Variants in ECPAS observed in about 807,000 individuals in gnomAD.
ECPAS encodes proteasome adapter and scaffold protein ECM29.
Under a neutral mutation model 255.1 loss-of-function variants are expected in ECPAS, and 70 were observed. The observed-to-expected ratio is 0.27, with a 90% CI of 0.23 to 0.33. The LOEUF (loss-of-function observed/expected upper bound fraction) is 0.33, where lower values mean the gene tolerates loss of function less well. Among genes scored for constraint, ECPAS ranks in the 10% least tolerant of loss-of-function variants. The probability of loss-of-function intolerance (pLI) is 1.00; values close to 1 mark genes in which losing one functional copy is unlikely to be tolerated. For synonymous variants in ECPAS, 784 were observed against 775.0 expected (o/e 1.01, Z -0.19); for missense variants, 1,817 against 2,206.4 (o/e 0.82, Z 3.54).
chr9:111,463,155 G>A lies in ECPAS; in HGVS notation c.22+9742C>T, dbSNP rs539023160. On this transcript the variant is annotated intron_variant, in intron 2 of 49. Transcript: ENST00000684092. ...TCACTTAGACCATGCCTCAGTCATA[G>A]ATCAGGAGGAGGGCTCTGCTCACTA... Among the ~76,000 whole-genome samples the A allele has an allele frequency of 3.9e-4, 60 of 152,294 alleles. 2 individuals carry two copies. In the South Asian group the frequency reaches 0.012, roughly 30 times the overall value.
chr9:111,394,508 C>T (rs985589629), intron 25 of ECPAS, among the ~76,000 whole-genome samples: 8 of 152,064 alleles, frequency 5.3e-5, no homozygotes, highest in African/African-American at 1.9e-4. Context: ...CAAAGGTACT[C>T]GAGTAACTTT....
At chr9:111,387,048 G>GT (rs1240025739) in intron 31 of ECPAS, among the ~76,000 whole-genome samples, 2 of 152,250 alleles carry the variant, frequency 1.3e-5, no homozygotes, top group East Asian at 3.8e-4. Flanking sequence ...GAAGGACAGA[G>GT]TCTCACTCAT....
chr9:111,466,576 T>C (rs1288060962), intron 2 of ECPAS, among the ~76,000 whole-genome samples: 2 of 151,674 alleles, frequency 1.3e-5, no homozygotes, highest in South Asian at 2.1e-4. Context: ...GACATTCTTG[T>C]AGGAGGAAAA....
In ECPAS at chr9:111,410,990, T is replaced by A; in HGVS notation, c.2367A>T (p.Thr789=). 1 of 1,613,792 alleles carries A rather than the reference T, an allele frequency of 6.2e-7. No homozygotes were observed. The highest frequency in any genetic ancestry group is 2.2e-5 in the East Asian group (1 of 44,880). ...AAAGACATTAATTACCTATTGTTTC[T>A]GTAGCACTCTGAATGAGTTCCTCTT... ...PDQEELIQSA[T]ETIGSFLDST... The change falls in exon 22 of 50, where the codon ACA becomes ACT. Residue 789 remains threonine, a synonymous_variant. Coordinates refer to ENST00000684092, the MANE Select transcript of ECPAS (RefSeq NM_001364929.1).
chr9:111,449,858 T>A (rs1282189263), intron 3 of ECPAS, among the ~76,000 whole-genome samples: 1 of 152,126 alleles, frequency 6.6e-6, no homozygotes, highest in African/African-American at 2.4e-5. Flanking sequence ...CACTGTGGCC[T>A]TCTCCAATTT....
At chr9:111,444,305 G>T in intron 4 of ECPAS, 73 bp downstream of exon 4, 1 of 975,662 alleles carries the variant, frequency 1.0e-6, no homozygotes, top group Non-Finnish European at 1.6e-6. Context: ...TTGCCAATAT[G>T]TTGATGACAT....
At chr9:111,450,378 C>T (rs2098258800) in intron 3 of ECPAS, among the ~76,000 whole-genome samples, 1 of 152,146 alleles carries the variant, frequency 6.6e-6, no homozygotes, top group African/African-American at 2.4e-5. Flanking sequence ...GACAAGAATG[C>T]CCATTCCCTC....
intron 17 of ECPAS, among the ~76,000 whole-genome samples, chr9:111,417,676 G>A (rs1394485575): frequency 1.3e-5 from 2 of 151,958 alleles, no homozygotes; most frequent in African/African-American, 4.8e-5. Context: ...AACCCAGGTA[G>A]TGGAGTTTGC....
chr9:111,388,820 C>A (rs1810878250), intron 31 of ECPAS, among the ~76,000 whole-genome samples: 1 of 151,936 alleles, frequency 6.6e-6, no homozygotes. Flanking sequence ...TAAAGTATGA[C>A]ACCAAGTTTT....
intron 25 of ECPAS, 36 bp downstream of exon 25, chr9:111,396,994 T>C: frequency 6.2e-7 from 1 of 1,613,090 alleles, no homozygotes; most frequent in Non-Finnish European, 8.5e-7. Flanking sequence ...AAAGGTTACT[T>C]GATCATTATA....
chr9:111,482,380 C>CA (rs1409453339), intron 1 of ECPAS, among the ~76,000 whole-genome samples: 3 of 152,220 alleles, frequency 2.0e-5, no homozygotes, highest in Non-Finnish European at 2.9e-5. Flanking sequence ...CTCTTTAAAA[C>CA]AAGGATAATT....
chr9:111,368,568 T>C (rs541856633), intron 46 of ECPAS, among the ~76,000 whole-genome samples: 50 of 152,294 alleles, frequency 3.3e-4, no homozygotes, highest in Non-Finnish European at 6.9e-4. Context: ...TATTATTAAA[T>C]AGAAGACAGA....
rs1160872801 is a variant in ECPAS at position 111,417,859 on chromosome 9, ATTACC to A, written c.1683+19_1683+23del. On this transcript the variant is annotated intron_variant, in intron 17 of 49. Coordinates refer to ENST00000684092, the MANE Select transcript of ECPAS (RefSeq NM_001364929.1). ...TCATCATCCATTATGATTTAGACTA[ATTACC>A]TTAAGTTGCATGCCATACCTTTTCT... is the stretch of plus-strand genomic sequence containing the variant. 2 of 1,532,472 alleles carry A rather than the reference ATTACC, an allele frequency of 1.3e-6. No individual in the cohort carries two copies. The highest frequency in any genetic ancestry group is 2.8e-5 in the African/African-American group (2 of 71,932). The allele number at this position is 1,532,472 out of a possible 1,614,324, so 94.9% of individuals were successfully genotyped here. A position where few individuals can be genotyped will look rare whatever the true frequency, so the allele number is the denominator to read the frequency against.
intron 1 of ECPAS, among the ~76,000 whole-genome samples, chr9:111,480,470 G>C (rs931969310): frequency 2.0e-5 from 3 of 151,674 alleles, no homozygotes; most frequent in African/African-American, 7.3e-5. Flanking sequence ...GCTAAATTTT[G>C]TATTTTTAGT....
intron 29 of ECPAS, among the ~76,000 whole-genome samples, chr9:111,391,329 G>C (rs772460634): frequency 1.3e-5 from 2 of 152,146 alleles, no homozygotes; most frequent in African/African-American, 4.8e-5. Context: ...TGTAATCCCA[G>C]CACTTTGGGA....
rs181031183 is a variant in ECPAS at position 111,463,838 on chromosome 9, G to T, written c.22+9059C>A. ...AGAACTCTGGTCCACTACTGATGGG[G>T]TACATATTGATACAATCTCTGAAGA... is the stretch of plus-strand genomic sequence containing the variant. On this transcript the variant is annotated intron_variant, in intron 2 of 49. Transcript: ENST00000684092. 1.6e-3 allele frequency among the ~76,000 whole-genome samples: 248 copies of T among 152,252 alleles called. 1 individual carries two copies. The highest frequency in any genetic ancestry group is 3.7e-3 in the Admixed American group (56 of 15,302).
intron 2 of ECPAS, among the ~76,000 whole-genome samples, chr9:111,464,585 C>T (rs564928451): frequency 6.6e-6 from 1 of 152,176 alleles, no homozygotes; most frequent in African/African-American, 2.4e-5. Context: ...CAGAGTCACA[C>T]AACGATGGAA....
intron 1 of ECPAS, chr9:111,483,834 C>T (rs2098310932): frequency 7.2e-6 from 2 of 275,974 alleles, no homozygotes; most frequent in African/African-American, 2.3e-5. Context: ...TGCGCCAGGC[C>T]CGCGCGGCGG....
chr9:111,361,949 T>C lies in ECPAS; in HGVS notation c.*81A>G. 1.3e-6 allele frequency: 2 copies of C among 1,514,274 alleles called. No individual in the cohort carries two copies. Among genetic ancestry groups the C allele is most frequent in the Non-Finnish European group, 1.8e-6 (2 of 1,122,142 alleles). The allele number at this position is 1,514,274 out of a possible 1,614,324, so 93.8% of individuals were successfully genotyped here. On this transcript the variant is annotated 3_prime_UTR_variant, in exon 50 of 50. Transcript: ENST00000684092. ...GCATGCTACAGATTAATCTTTACTT[T>C]TTCCCACTTGGTTTTTCAAAGAACA...
Sources: gnomAD v4.1 joint callset for allele counts (sites outside exome capture counted in the v4.1 genomes callset) on GRCh38, gnomAD v4.1.1 for gene constraint, MANE v1.5 for transcripts, NCBI Gene and HGNC (gene_info 2026-07-23, HGNC 2026-07-21) for gene names.